ABCG5: variants seen among roughly 807,000 people sequenced by gnomAD.
ABCG5 encodes the protein ATP binding cassette subfamily G member 5, also known as ATP-binding cassette sub-family G member 5.
In ABCG5, 64 loss-of-function variants were observed where a neutral mutation model predicts 64.5. That is an observed-to-expected ratio of 0.99 (90% CI 0.81 to 1.22). ABCG5 has a LOEUF of 1.22. Among genes scored for constraint, ABCG5 ranks in the 50% most tolerant of loss-of-function variants. ABCG5 has a pLI of 0.00. For missense variants in ABCG5, 908 were observed against 829.5 expected (o/e 1.09, Z -1.16); for synonymous variants, 385 against 326.3 (o/e 1.18, Z -1.94).
intron 4 of ABCG5, among the ~76,000 whole-genome samples, chr2:43,830,576 T>G (rs1667897216): frequency 6.6e-6 from 1 of 152,244 alleles, no homozygotes; most frequent in Non-Finnish European, 1.5e-5. Context: ...ATCTCCTTTA[T>G]TATCATCAGC....
chr2:43,826,329 G>C, intron 6 of ABCG5, 53 bp downstream of exon 6: 1 of 1,612,158 alleles, frequency 6.2e-7, no homozygotes, highest in Non-Finnish European at 8.5e-7. Flanking sequence ...CTGCCCCTGT[G>C]ATTCCCAGCT....
At chr2:43,807,411 C>T in the ABCG5 span, among the ~76,000 whole-genome samples, 4 of 152,072 alleles carry the variant, frequency 2.6e-5, no homozygotes, top group African/African-American at 4.8e-5. Context: ...ATGTGGAAAG[C>T]ACTTGCTGAG....
downstream of ABCG5, among the ~76,000 whole-genome samples, chr2:43,807,507 A>AT (rs1666306361): frequency 6.6e-6 from 1 of 151,900 alleles, no homozygotes; most frequent in African/African-American, 2.4e-5. Flanking sequence ...TGGGGAGATC[A>AT]TGGCTCACTG....
chr2:43,832,174 C>T (rs1667992339), intron 2 of ABCG5, 91 bp from the exon 3 acceptor site: 6 of 1,520,950 alleles, frequency 3.9e-6, no homozygotes, highest in Non-Finnish European at 5.4e-6. Context: ...CATGACCCCG[C>T]GGGCCATGAG....
chr2:43,831,332 C>G (rs1667934357), intron 4 of ABCG5, among the ~76,000 whole-genome samples: 1 of 152,050 alleles, frequency 6.6e-6, no homozygotes, highest in African/African-American at 2.4e-5. Flanking sequence ...ATCACCACGT[C>G]CAACTAATTT....
chr2:43,811,869 C>G (rs1160556298), downstream of ABCG5, among the ~76,000 whole-genome samples: 2 of 152,314 alleles, frequency 1.3e-5, no homozygotes, highest in East Asian at 3.9e-4. Context: ...GCTGGGATTA[C>G]AGGCATGAGC....
chr2:43,823,803 G>T, intron 9 of ABCG5, 110 bp downstream of exon 9: 3 of 1,295,674 alleles, frequency 2.3e-6, no homozygotes, highest in African/African-American at 1.5e-5. Context: ...GAGAGGGCTG[G>T]GTTTAGCTCA....
Position 43,827,965 on chromosome 2 carries a change from G to C in ABCG5, c.634+18C>G, listed in dbSNP as rs1448002542. ...GATGCCCAGACAGCAGCTAGTAACA[G>C]TTCTGGGTGCCACTTACTAGGATCC... is the stretch of plus-strand genomic sequence containing the variant. On this transcript the variant is annotated intron_variant, in intron 5 of 12. Transcript: ENST00000405322. 12 of 1,613,672 alleles carry C rather than the reference G, an allele frequency of 7.4e-6. No homozygotes were observed. The East Asian group carries it at 2.7e-4, about 36-fold the overall frequency.
chr2:43,811,993 A>C (rs894575298), downstream of ABCG5, among the ~76,000 whole-genome samples: 9 of 152,162 alleles, frequency 5.9e-5, no homozygotes, highest in Non-Finnish European at 1.2e-4. Flanking sequence ...ACAGTTCAAG[A>C]ATGTGAATTT....
chr2:43,823,044 G>C, intron 9 of ABCG5, 109 bp from the exon 10 acceptor site: 3 of 1,470,696 alleles, frequency 2.0e-6, no homozygotes, highest in Non-Finnish European at 2.8e-6. Context: ...GTGAGGACCA[G>C]CTAGGGGGGT....
intron 10 of ABCG5, chr2:43,822,410 C>T (rs1667271971): frequency 1.6e-6 from 1 of 634,208 alleles, no homozygotes; most frequent in African/African-American, 2.0e-5. Context: ...GGTTGCTGTC[C>T]TCTTCCCACC....
chr2:43,834,098 G>A (rs1406839480), intron 2 of ABCG5, among the ~76,000 whole-genome samples: 1 of 152,206 alleles, frequency 6.6e-6, no homozygotes, highest in Admixed American at 6.5e-5. Flanking sequence ...CTCAGAAATA[G>A]CCCCTGCGTG....
At chr2:43,814,160 C>T (rs562467701) in intron 12 of ABCG5, among the ~76,000 whole-genome samples, 31 of 152,266 alleles carry the variant, frequency 2.0e-4, no homozygotes, top group African/African-American at 7.0e-4. Flanking sequence ...CTTCAGCCTG[C>T]TTGAATGTGT....
downstream of ABCG5, chr2:43,810,533 A>G: frequency 6.1e-6 from 6 of 983,336 alleles, no homozygotes; most frequent in Non-Finnish European, 7.2e-6. Flanking sequence ...GAGTAAGTAT[A>G]ATTGCTATGA....
chr2:43,828,975 AT>A (rs1667803504), intron 4 of ABCG5, among the ~76,000 whole-genome samples: 5 of 152,140 alleles, frequency 3.3e-5, no homozygotes, highest in Admixed American at 3.3e-4. Flanking sequence ...AAAAAAAATA[AT>A]AATAAATAAA....
At position 43,832,356 on chromosome 2, in the gene ABCG5, C is replaced by T; in HGVS notation, c.266-273G>A. ...CTCATCTGGGTCAAGACCGAACGTG[C>T]TTTCTCTGCTTGTTTATTTGTCTTT... On this transcript the variant is annotated intron_variant, in intron 2 of 12. Transcript: ENST00000405322. 1.0e-5 allele frequency: 6 copies of T among 572,790 alleles called. No individual in the cohort carries two copies. In the South Asian group the frequency reaches 1.3e-4, roughly 13 times the overall value. 35.5% of individuals were successfully genotyped at this position (572,790 alleles called of 1,614,324 possible). A position where few individuals can be genotyped will look rare whatever the true frequency, so the allele number is the denominator to read the frequency against.
At chr2:43,817,388 G>A (rs1666904701) in intron 11 of ABCG5, among the ~76,000 whole-genome samples, 2 of 152,154 alleles carry the variant, frequency 1.3e-5, no homozygotes, top group East Asian at 3.9e-4. Context: ...AGGAGGCTAA[G>A]GCAGGAGAAT....
In ABCG5 at chr2:43,819,950, G is replaced by A; in HGVS notation, c.1614C>T (p.Ser538=). The A allele has an allele frequency of 6.2e-7, 1 of 1,614,038 alleles. No homozygotes were observed. Among genetic ancestry groups the A allele is most frequent in the Non-Finnish European group, 8.5e-7 (1 of 1,180,014 alleles). ...CAGATCCAACAAGCACCCCCGCAAT[G>A]GACAGCAGAGCCACTACACTGTTGA... ...NIVNSVVALL[S]IAGVLVGSGF... Residue 538 remains serine (S), a synonymous_variant, in exon 11 of 13, where the codon TCC becomes TCT. Transcript: ENST00000405322.
chr2:43,825,139 T>C (rs1183391449), intron 6 of ABCG5, 121 bp from the exon 7 acceptor site: 5 of 1,221,684 alleles, frequency 4.1e-6, no homozygotes, highest in African/African-American at 1.5e-5. Context: ...CAAGTCCTTA[T>C]GGGAAATGCA....
Sources: gnomAD v4.1 joint callset for allele counts (sites outside exome capture counted in the v4.1 genomes callset) on GRCh38, gnomAD v4.1.1 for gene constraint, MANE v1.5 for transcripts, NCBI Gene and HGNC (gene_info 2026-07-23, HGNC 2026-07-21) for gene names.